The following VAV3 variants were observed in gnomAD, a reference collection of about 807,000 sequenced individuals.
The protein encoded by VAV3 is vav guanine nucleotide exchange factor 3, also known as guanine nucleotide exchange factor VAV3.
In VAV3, 94 loss-of-function variants were observed where a neutral mutation model predicts 131.2. The ratio of observed to expected loss-of-function variants is 0.72; its 90% CI spans 0.61 to 0.85. The LOEUF (loss-of-function observed/expected upper bound fraction) is 0.85, where lower values mean the gene tolerates loss of function less well. Among genes scored for constraint, VAV3 ranks in the 40% least tolerant of loss-of-function variants. VAV3 has a pLI of 0.00. For synonymous variants in VAV3, 349 were observed against 342.0 expected, an observed-to-expected ratio of 1.02 and a Z score of -0.22; for missense variants, 939 against 1,002.7, an observed-to-expected ratio of 0.94 and a Z score of 0.86.
rs567099508 is a variant in VAV3 at position 107,615,996 on chromosome 1, C to T, written c.1980+1571G>A. ...GAGAAAAGGGAATGCTTATACACTG[C>T]TGGTGGGAATGTAAAGTAATTCAGC... On this transcript the variant is annotated intron_variant, in intron 21 of 26. Coordinates refer to ENST00000370056, the MANE Select transcript of VAV3 (RefSeq NM_006113.5). Among the ~76,000 whole-genome samples, 3 of 152,204 alleles carry T rather than the reference C, an allele frequency of 2.0e-5. No individual in the cohort carries two copies. In the East Asian group the frequency reaches 5.8e-4, roughly 29 times the overall value.
rs150283564 is a variant in VAV3 at position 107,907,605 on chromosome 1, C to T, written c.205-32588G>A. 3.8e-3 allele frequency among the ~76,000 whole-genome samples: 579 copies of T among 152,214 alleles called. 5 individuals are homozygous for T. The highest frequency in any genetic ancestry group is 0.013 in the African/African-American group (523 of 41,526). The stretch of plus-strand genomic sequence containing the variant: ...TATCAAAGGAGTGGATTCATTACCA[C>T]GACAGTAGTTGTCATAAAAGCAAAT... On this transcript the variant is annotated intron_variant, in intron 1 of 26. Coordinates refer to ENST00000370056, the MANE Select transcript of VAV3 (RefSeq NM_006113.5).
rs773013553 is a variant in VAV3 at position 107,874,959 on chromosome 1, A to C, written c.263T>G (p.Met88Arg). 1.2e-6 allele frequency: 2 copies of C among 1,613,448 alleles called. No individual in the cohort carries two copies. Among genetic ancestry groups the C allele is most frequent in the Non-Finnish European group, 1.7e-6 (2 of 1,179,578 alleles). ...TGCCTCGAAAAGTTCACTTTTCCTCATTCCAAACGTCTCACAACAGGCCGT... is the reference window on the plus strand; with the variant it reads ...TGCCTCGAAAAGTTCACTTTTCCTCCTTCCAAACGTCTCACAACAGGCCGT... ...FLTACCETFG[M>R]RKSELFEAFD... The change falls in exon 2 of 27, where the codon ATG becomes AGG. Residue 88 changes from methionine to arginine, a missense_variant. Met to Arg is a moderately conservative substitution (Grantham distance 91). Coordinates refer to ENST00000370056, the MANE Select transcript of VAV3 (RefSeq NM_006113.5).
At chr1:107,870,977 G>GA (rs1484330936) in intron 2 of VAV3, among the ~76,000 whole-genome samples, 8 of 152,112 alleles carry the variant, frequency 5.3e-5, no homozygotes, top group African/African-American at 1.2e-4. Context: ...TCTCATTAAA[G>GA]AAAAAATCCC....
intron 2 of VAV3, among the ~76,000 whole-genome samples, chr1:107,803,074 T>C (rs1666901933): frequency 6.6e-6 from 1 of 152,060 alleles, no homozygotes; most frequent in African/African-American, 2.4e-5. Context: ...CTTGTCAGGT[T>C]GTATGTGTCC....
At chr1:107,779,100 ATATT>A (rs1369275477) in intron 3 of VAV3, among the ~76,000 whole-genome samples, 4 of 152,088 alleles carry the variant, frequency 2.6e-5, no homozygotes, top group East Asian at 1.9e-4. Context: ...CATCTTATAA[ATATT>A]TATTTACTTA....
chr1:107,947,850 G>A (rs1437726905), intron 1 of VAV3, among the ~76,000 whole-genome samples: 3 of 152,162 alleles, frequency 2.0e-5, no homozygotes, highest in Middle Eastern at 6.4e-3. Context: ...ATTCATGGGA[G>A]CAGTCACCCT....
At chr1:107,752,403 G>A (rs1269815358) in intron 12 of VAV3, among the ~76,000 whole-genome samples, 1 of 152,046 alleles carries the variant, frequency 6.6e-6, no homozygotes, top group South Asian at 2.1e-4. Flanking sequence ...AAGAAAATGG[G>A]GAAAAACTTT....
intron 25 of VAV3, chr1:107,578,767 T>C: frequency 3.0e-6 from 3 of 985,156 alleles, no homozygotes; most frequent in Non-Finnish European, 3.6e-6. Context: ...GTGTCCATCC[T>C]TGTGTCTCTC....
intron 20 of VAV3, among the ~76,000 whole-genome samples, chr1:107,628,229 A>G (rs1654185057): frequency 6.6e-6 from 1 of 152,242 alleles, no homozygotes; most frequent in African/African-American, 2.4e-5. Context: ...CCCCCTAATC[A>G]GCCCTTCATT....
chr1:107,856,549 T>C (rs1274374538), intron 2 of VAV3, among the ~76,000 whole-genome samples: 1 of 152,166 alleles, frequency 6.6e-6, no homozygotes, highest in Non-Finnish European at 1.5e-5. Flanking sequence ...AAAATCAACA[T>C]TACTGTTATA....
At chr1:107,836,021 A>C (rs1668463662) in intron 2 of VAV3, among the ~76,000 whole-genome samples, 1 of 152,240 alleles carries the variant, frequency 6.6e-6, no homozygotes, top group Non-Finnish European at 1.5e-5. Flanking sequence ...ACACTGGAGC[A>C]TCCAGATTCA....
At chr1:107,859,002 G>A (rs1190947593) in intron 2 of VAV3, among the ~76,000 whole-genome samples, 1 of 150,848 alleles carries the variant, frequency 6.6e-6, no homozygotes, top group African/African-American at 2.4e-5. Context: ...CTTTTTTGTT[G>A]TTGTTTAGCC....
chr1:107,743,311 G>C (rs1428501991), intron 15 of VAV3, among the ~76,000 whole-genome samples: 4 of 152,088 alleles, frequency 2.6e-5, no homozygotes, highest in African/African-American at 4.8e-5. Context: ...CGTAAACCAG[G>C]GGTGGCAAGG....
rs1032760840 is a variant in VAV3, at chr1:107,797,661, T to C, written c.322-18169A>G. Among the ~76,000 whole-genome samples the C allele has an allele frequency of 8.5e-5, 13 of 152,188 alleles. 1 individual carries two copies. The highest frequency in any genetic ancestry group is 7.2e-4 in the Admixed American group (11 of 15,280). The stretch of plus-strand genomic sequence containing the variant: ...GAATGGCATTCTAACAGCAGAGATG[T>C]AAAAAATCTCAGCTCTTAAGAAAAA... On this transcript the variant is annotated intron_variant, in intron 2 of 26. Coordinates refer to ENST00000370056, the MANE Select transcript of VAV3 (RefSeq NM_006113.5).
chr1:107,865,256 G>T (rs551566464), intron 2 of VAV3, among the ~76,000 whole-genome samples: 1 of 152,286 alleles, frequency 6.6e-6, no homozygotes, highest in African/African-American at 2.4e-5. Context: ...AGAGAAGCAG[G>T]GGGAAGGTCC....
chr1:107,836,399 C>T (rs981551545), intron 2 of VAV3, among the ~76,000 whole-genome samples: 2 of 152,030 alleles, frequency 1.3e-5, no homozygotes, highest in Non-Finnish European at 2.9e-5. Context: ...TACAACATAC[C>T]AAAATACTTG....
chr1:107,673,870 T>C (rs547350095), intron 19 of VAV3, among the ~76,000 whole-genome samples: 2 of 152,330 alleles, frequency 1.3e-5, no homozygotes, highest in East Asian at 1.9e-4. Flanking sequence ...TTATAGGTAA[T>C]TTGTCCAGAG....
chr1:107,964,366 C>T, intron 1 of VAV3: 1 of 282,918 alleles, frequency 3.5e-6, no homozygotes, highest in Non-Finnish European at 6.7e-6. Flanking sequence ...GCGCCACACA[C>T]ACGCAGAGTA....
chr1:107,762,230 C>T (rs4491085), intron 9 of VAV3, among the ~76,000 whole-genome samples: 46,173 of 151,872 alleles, frequency 0.3, 7,644 homozygotes, highest in Non-Finnish European at 0.37. Flanking sequence ...AGTTCATAGA[C>T]GGAGTTGTGC....
Sources: gnomAD v4.1 joint callset for allele counts (sites outside exome capture counted in the v4.1 genomes callset) on GRCh38, gnomAD v4.1.1 for gene constraint, MANE v1.5 for transcripts, NCBI Gene and HGNC (gene_info 2026-07-23, HGNC 2026-07-21) for gene names.